DACH1: variants seen among roughly 807,000 people sequenced by gnomAD.
DACH1 encodes dachshund family transcription factor 1, also known as dachshund homolog 1.
In DACH1, 12 loss-of-function variants were observed where a neutral mutation model predicts 54.2. The observed-to-expected ratio is 0.22, with a 90% CI of 0.14 to 0.36. DACH1 has a LOEUF of 0.36. Among genes scored for constraint, DACH1 ranks in the 10% least tolerant of loss-of-function variants. The probability of loss-of-function intolerance (pLI) is 1.00; values close to 1 mark genes in which losing one functional copy is unlikely to be tolerated. For missense variants in DACH1, 805 were observed against 929.8 expected (o/e 0.87, Z 1.75); for synonymous variants, 386 against 366.2 (o/e 1.05, Z -0.62).
At chr13:71,553,608 T>C (rs1229989034) in intron 6 of DACH1, among the ~76,000 whole-genome samples, 2 of 141,762 alleles carry the variant, frequency 1.4e-5, no homozygotes, top group South Asian at 2.6e-4. Flanking sequence ...TTGTATTTTA[T>C]ATTGTTATAT....
intron 3 of DACH1, among the ~76,000 whole-genome samples, 157 bp from the exon 4 acceptor site, chr13:71,573,169 C>T (rs1885320975): frequency 6.6e-6 from 1 of 152,116 alleles, no homozygotes; most frequent in Admixed American, 6.6e-5. Context: ...ACCAGGCTTA[C>T]AGCTATCTGG....
intron 1 of DACH1, among the ~76,000 whole-genome samples, chr13:71,720,946 G>A (rs969946892): frequency 6.6e-6 from 1 of 152,184 alleles, no homozygotes; most frequent in Middle Eastern, 3.4e-3. Flanking sequence ...ATGTAAATCT[G>A]CATTATAAAA....
chr13:71,748,898 CTCTTTCTTTCTT>C (rs796904876), intron 1 of DACH1, among the ~76,000 whole-genome samples: 405 of 39,526 alleles, frequency 0.01, 3 homozygotes, highest in African/African-American at 0.02. Context: ...TTCTTTCTTT[CTCTTTCTTTCTT>C]TCTTTCTTTC....
intron 10 of DACH1, among the ~76,000 whole-genome samples, chr13:71,455,583 T>C (rs1420105362): frequency 1.3e-5 from 2 of 152,152 alleles, no homozygotes; most frequent in South Asian, 2.1e-4. Context: ...AGAATAATAA[T>C]GATCATATCA....
chr13:71,668,627 T>TA (rs1424000121), intron 2 of DACH1, among the ~76,000 whole-genome samples: 2 of 151,652 alleles, frequency 1.3e-5, no homozygotes, highest in South Asian at 2.1e-4. Context: ...TTTTTTTTTT[T>TA]AAAAATAAAG....
At position 71,842,470 on chromosome 13, in the gene DACH1, CA is replaced by C. The variant is rs554703135; in HGVS notation, c.848+23451del. 2.0e-4 allele frequency among the ~76,000 whole-genome samples: 30 copies of C among 151,718 alleles called. No individual in the cohort carries two copies. In the East Asian group the frequency reaches 3.1e-3, roughly 16 times the overall value. ...GTGTACATCTGCAGTCCCAGCTACTCAGAAGGCTGAGGTGGGAGGATCACCT... is the reference window on the plus strand; with the variant it reads ...GTGTACATCTGCAGTCCCAGCTACTCGAAGGCTGAGGTGGGAGGATCACCT... On this transcript the variant is annotated intron_variant, in intron 1 of 10. Coordinates refer to ENST00000613252, the MANE Select transcript of DACH1 (RefSeq NM_080759.6).
intron 6 of DACH1, among the ~76,000 whole-genome samples, chr13:71,542,209 C>T (rs1360288848): frequency 6.6e-6 from 1 of 151,936 alleles, no homozygotes; most frequent in African/African-American, 2.4e-5. Context: ...GAGATTGCGC[C>T]ATTGCACTCC....
intron 1 of DACH1, among the ~76,000 whole-genome samples, chr13:71,820,601 A>G (rs1327636655): frequency 6.6e-6 from 1 of 152,196 alleles, no homozygotes; most frequent in Non-Finnish European, 1.5e-5. Context: ...AAAAAACAGA[A>G]TTCGGTATAT....
At chr13:71,695,750 A>AGGAG (rs1881797538) in intron 1 of DACH1, among the ~76,000 whole-genome samples, 1 of 152,192 alleles carries the variant, frequency 6.6e-6, no homozygotes, top group African/African-American at 2.4e-5. Flanking sequence ...ATAATCACCA[A>AGGAG]GGCTTGTTTC....
At position 71,495,970 on chromosome 13, in the gene DACH1, C is replaced by T. The variant is rs554096687; in HGVS notation, c.1571-6822G>A. 4.6e-5 allele frequency among the ~76,000 whole-genome samples: 7 copies of T among 152,158 alleles called. No homozygotes were observed. In the East Asian group the frequency reaches 1.2e-3, roughly 25 times the overall value. On this transcript the variant is annotated intron_variant, in intron 6 of 10. Transcript: ENST00000613252. Reference sequence around the variant, plus strand: ...GATACAGGCCGGGCACAGTGGCTTACGCCTGAAATCCCAGCACTTTGGGAG... The same window carrying T: ...GATACAGGCCGGGCACAGTGGCTTATGCCTGAAATCCCAGCACTTTGGGAG...
intron 1 of DACH1, among the ~76,000 whole-genome samples, chr13:71,790,417 G>C (rs567614939): frequency 1.0e-3 from 157 of 152,216 alleles, no homozygotes; most frequent in African/African-American, 3.6e-3. Flanking sequence ...TAAGAAAAAC[G>C]AGAAGTCAAC....
chr13:71,580,866 T>G (rs565860285), intron 3 of DACH1, among the ~76,000 whole-genome samples: 1 of 152,248 alleles, frequency 6.6e-6, no homozygotes, highest in Admixed American at 6.5e-5. Flanking sequence ...CATCTCTATT[T>G]TGTCTGTTTT....
intron 2 of DACH1, among the ~76,000 whole-genome samples, chr13:71,654,673 C>T (rs545195378): frequency 1.5e-3 from 221 of 152,076 alleles, no homozygotes; most frequent in African/African-American, 5.2e-3. Flanking sequence ...TGTGTTGGCA[C>T]TTGAGTTTTC....
At chr13:71,652,326 T>C (rs1878743472) in intron 2 of DACH1, among the ~76,000 whole-genome samples, 1 of 152,132 alleles carries the variant, frequency 6.6e-6, no homozygotes, top group Non-Finnish European at 1.5e-5. Flanking sequence ...TTCACAAAAT[T>C]AAGTCATTCC....
In DACH1 at chr13:71,741,899, T is replaced by G. The variant is rs191960983; in HGVS notation, c.849-59989A>C. 3.3e-5 allele frequency among the ~76,000 whole-genome samples: 5 copies of G among 152,164 alleles called. No homozygotes were observed. The East Asian group carries it at 7.7e-4, about 24-fold the overall frequency. Reference sequence around the variant, plus strand: ...AAAACAACACCTACGTATAGTCACTTAAAGCAGAAAAAAAGAGAGATAATA... The same window carrying G: ...AAAACAACACCTACGTATAGTCACTGAAAGCAGAAAAAAAGAGAGATAATA... On this transcript the variant is annotated intron_variant, in intron 1 of 10. Transcript: ENST00000613252.
chr13:71,601,664 T>A (rs1287611099), intron 3 of DACH1, among the ~76,000 whole-genome samples: 1 of 152,026 alleles, frequency 6.6e-6, no homozygotes, highest in Admixed American at 6.6e-5. Context: ...TCTGAGGACT[T>A]TTTTTCTGAT....
chr13:71,605,544 T>G (rs535180737), intron 3 of DACH1, among the ~76,000 whole-genome samples: 9 of 151,912 alleles, frequency 5.9e-5, no homozygotes, highest in Non-Finnish European at 1.2e-4. Context: ...CTTCACAGTG[T>G]GAATATTTAT....
At chr13:71,515,248 C>G (rs1410515328) in intron 6 of DACH1, among the ~76,000 whole-genome samples, 2 of 151,774 alleles carry the variant, frequency 1.3e-5, no homozygotes, top group African/African-American at 4.8e-5. Context: ...TTAGGTCTGT[C>G]CCCTGTAAGT....
rs1017386274 is a variant in DACH1 at position 71,775,137 on chromosome 13, T to C, written c.848+90785A>G. Among the ~76,000 whole-genome samples the C allele has an allele frequency of 2.3e-4, 31 of 133,004 alleles. No individual in the cohort carries two copies. In the East Asian group the frequency reaches 4.8e-3, roughly 21 times the overall value. The allele number at this position is 133,004 out of a possible 152,430, so 87.3% of individuals were successfully genotyped here. A position where few individuals can be genotyped will look rare whatever the true frequency, so the allele number is the denominator to read the frequency against. ...CCATCTCAACACAAGCTTTTTTTTTTTTTTTTTTTTTTTTTTTTTTTAAAT... is the reference window on the plus strand; with the variant it reads ...CCATCTCAACACAAGCTTTTTTTTTCTTTTTTTTTTTTTTTTTTTTTAAAT... On this transcript the variant is annotated intron_variant, in intron 1 of 10. Coordinates refer to ENST00000613252, the MANE Select transcript of DACH1 (RefSeq NM_080759.6).
Sources: gnomAD v4.1 joint callset for allele counts (sites outside exome capture counted in the v4.1 genomes callset) on GRCh38, gnomAD v4.1.1 for gene constraint, MANE v1.5 for transcripts, NCBI Gene and HGNC (gene_info 2026-07-23, HGNC 2026-07-21) for gene names.